The following DMD variants were observed in gnomAD, a reference collection of about 807,000 sequenced individuals.
DMD encodes the protein mutant dystrophin.
In DMD, 63 loss-of-function variants were observed where a neutral mutation model predicts 330.1. The observed-to-expected ratio is 0.19, with a 90% CI of 0.16 to 0.24. The LOEUF (loss-of-function observed/expected upper bound fraction) is 0.24, where lower values mean the gene tolerates loss of function less well. DMD is among the 10% of genes least tolerant of loss of function. The pLI is 1.00. For missense variants in DMD, 3,344 were observed against 2,684.1 expected (o/e 1.25, Z -5.43); for synonymous variants, 1,223 against 959.8 (o/e 1.27, Z -5.07).
intron 36 of DMD, 22 bp downstream of exon 36, chrX:32,364,560 C>G: frequency 8.3e-7 from 1 of 1,208,730 alleles, no homozygotes; most frequent in Non-Finnish European, 1.1e-6. Context: ...TTGGACATTA[C>G]TTTTCATATT....
chrX:32,428,857 C>A (rs2098224119), intron 29 of DMD, among the ~76,000 whole-genome samples: 1 of 111,623 alleles, frequency 9.0e-6, no homozygotes, highest in Non-Finnish European at 1.9e-5. Context: ...GGTGAGCCAC[C>A]CACCTCGGCC....
intron 12 of DMD, among the ~76,000 whole-genome samples, chrX:32,599,713 C>G (rs2055971280): frequency 9.0e-6 from 1 of 111,082 alleles, no homozygotes; most frequent in Admixed American, 9.6e-5. Flanking sequence ...TAAAAGCTTC[C>G]AGATTGTACA....
intron 44 of DMD, chrX:32,151,288 G>T (rs1231346591): frequency 9.0e-6 from 1 of 111,497 alleles, no homozygotes; most frequent in African/African-American, 3.3e-5. Flanking sequence ...GCTAAGAAAC[G>T]GATAGGATGA....
rs1430130312 is a variant in DMD at position 32,429,398 on chromosome X, T to TTTTA, written c.4071+8842_4071+8843insTAAA. On this transcript the variant is annotated intron_variant, in intron 29 of 78. Coordinates refer to ENST00000357033, the MANE Select transcript of DMD (RefSeq NM_004006.3). ...ATACTTTTTTTTGGGTTTTTTTTTT[T>TTTTA]TTTTTTTTTTTTTGTATTTGTGGTA... is the stretch of plus-strand genomic sequence containing the variant. Among the ~76,000 whole-genome samples, 270 of 80,593 alleles carry TTTTA rather than the reference T, an allele frequency of 3.4e-3. 3 individuals carry two copies. The highest frequency in any genetic ancestry group is 0.012 in the African/African-American group (264 of 21,157). The allele number at this position is 80,593 out of a possible 115,157, so 70.0% of individuals were successfully genotyped here. A position where few individuals can be genotyped will look rare whatever the true frequency, so the allele number is the denominator to read the frequency against.
intron 44 of DMD, among the ~76,000 whole-genome samples, chrX:32,100,708 T>C (rs963976362): frequency 9.0e-6 from 1 of 111,280 alleles, no homozygotes; most frequent in Non-Finnish European, 1.9e-5. Flanking sequence ...CGTGCATCCG[T>C]CAAAGGCTTA....
chrX:32,854,585 A>AG (rs1440515816), intron 2 of DMD, among the ~76,000 whole-genome samples: 2 of 101,270 alleles, frequency 2.0e-5, no homozygotes, highest in African/African-American at 8.2e-5. Flanking sequence ...AAAAAAAAAA[A>AG]AAGAGAAACA....
intron 50 of DMD, among the ~76,000 whole-genome samples, chrX:31,782,318 G>C (rs774812762): frequency 9.0e-6 from 1 of 111,311 alleles, no homozygotes; most frequent in African/African-American, 3.3e-5. Context: ...CAGCAAACAT[G>C]ACATAAGCAG....
intron 55 of DMD, among the ~76,000 whole-genome samples, chrX:31,549,027 C>T (rs1027615852): frequency 9.1e-5 from 10 of 110,116 alleles, no homozygotes; most frequent in South Asian, 3.8e-4. Flanking sequence ...GAGACTAACA[C>T]AAAATAATTT....
chrX:31,810,617 G>T (rs1053487915), intron 50 of DMD, among the ~76,000 whole-genome samples: 4 of 111,760 alleles, frequency 3.6e-5, no homozygotes. Context: ...GGAAAAGAAA[G>T]AATGACTGTT....
chrX:32,407,077 T>C (rs1267811341), intron 30 of DMD, among the ~76,000 whole-genome samples: 1 of 111,386 alleles, frequency 9.0e-6, no homozygotes, highest in Non-Finnish European at 1.9e-5. Context: ...AAGGACTTCA[T>C]GACGAAAACA....
chrX:32,594,598 CCA>C (rs777310924), intron 13 of DMD, among the ~76,000 whole-genome samples: 2 of 111,175 alleles, frequency 1.8e-5, no homozygotes, highest in Non-Finnish European at 3.8e-5. Context: ...ATATTAAAGT[CCA>C]CAGTCTCTGA....
At chrX:31,244,049 A>T (rs746104662) in intron 63 of DMD, among the ~76,000 whole-genome samples, 1 of 112,516 alleles carries the variant, frequency 8.9e-6, no homozygotes, top group South Asian at 3.6e-4. Context: ...TGAGAAGATA[A>T]AACAGTCTGC....
intron 2 of DMD, among the ~76,000 whole-genome samples, chrX:32,887,489 C>A: frequency 9.1e-6 from 1 of 109,362 alleles, no homozygotes; most frequent in Non-Finnish European, 1.9e-5. Flanking sequence ...GTGGCTCATG[C>A]CTGTAATCCC....
chrX:31,332,149 A>C (rs1293357728), intron 61 of DMD, among the ~76,000 whole-genome samples: 1 of 112,155 alleles, frequency 8.9e-6, no homozygotes, highest in Non-Finnish European at 1.9e-5. Context: ...GGCTTGTCAC[A>C]CTGGCAATCT....
chrX:33,229,247 G>A (rs2052346875), intron 1 of DMD, among the ~76,000 whole-genome samples: 1 of 111,072 alleles, frequency 9.0e-6, no homozygotes, highest in Admixed American at 9.6e-5. Flanking sequence ...TTTATGGATT[G>A]TGCTATTTGT....
At chrX:32,702,653 G>A (rs866773439) in intron 7 of DMD, among the ~76,000 whole-genome samples, 7 of 111,178 alleles carry the variant, frequency 6.3e-5, no homozygotes, top group Admixed American at 2.9e-4. Flanking sequence ...ATGGATTGCT[G>A]GAGGAAAACT....
chrX:31,911,356 T>G (rs2094543996), intron 47 of DMD, among the ~76,000 whole-genome samples: 1 of 112,262 alleles, frequency 8.9e-6, no homozygotes, highest in Admixed American at 9.5e-5. Context: ...TGTGCTGAGC[T>G]CAGGTTTCAG....
intron 18 of DMD, among the ~76,000 whole-genome samples, chrX:32,502,504 C>A (rs779538793): frequency 9.0e-6 from 1 of 111,720 alleles, no homozygotes; most frequent in South Asian, 3.7e-4. Flanking sequence ...GCCAGAATTT[C>A]ATACTATTGA....
chrX:33,118,513 T>C (rs755187431), intron 1 of DMD, among the ~76,000 whole-genome samples: 1 of 112,192 alleles, frequency 8.9e-6, no homozygotes, highest in South Asian at 3.7e-4. Flanking sequence ...GCTTTACTCT[T>C]AAGCACTGGA....
Sources: gnomAD v4.1 joint callset for allele counts (sites outside exome capture counted in the v4.1 genomes callset) on GRCh38, gnomAD v4.1.1 for gene constraint, MANE v1.5 for transcripts, NCBI Gene and HGNC (gene_info 2026-07-23, HGNC 2026-07-21) for gene names.